The following HAPLN3 variants were observed in gnomAD, a reference collection of about 807,000 sequenced individuals.
HAPLN3 encodes the protein hyaluronan and proteoglycan link protein 3.
In HAPLN3, 28 loss-of-function variants were observed where a neutral mutation model predicts 28.1. The ratio of observed to expected loss-of-function variants is 1.00; its 90% confidence interval spans 0.74 to 1.37. The LOEUF (loss-of-function observed/expected upper bound fraction) is 1.37, where lower values mean the gene tolerates loss of function less well. Among genes scored for constraint, HAPLN3 ranks in the 40% most tolerant of loss-of-function variants. The pLI, the probability that HAPLN3 is intolerant of heterozygous loss-of-function variation, is 0.00. For synonymous variants in HAPLN3, 211 were observed against 213.1 expected, an observed-to-expected ratio of 0.99 and a Z score of 0.09; for missense variants, 513 against 504.6, an observed-to-expected ratio of 1.02 and a Z score of -0.16.
chr15:88,893,881 T>A (rs6496533), intron 1 of HAPLN3, among the ~76,000 whole-genome samples: 2 of 146,386 alleles, frequency 1.4e-5, no homozygotes, highest in African/African-American at 2.6e-5. Context: ...TGAGCCGAGA[T>A]TGAGCCATTG....
At chr15:88,883,023 A>G (rs1897749282) in intron 2 of HAPLN3, among the ~76,000 whole-genome samples, 1 of 152,224 alleles carries the variant, frequency 6.6e-6, no homozygotes, top group Non-Finnish European at 1.5e-5. Flanking sequence ...AAATAAAAAC[A>G]AATTAATTAA....
rs532267599 is a variant in HAPLN3, at chr15:88,886,350, T to TAAA, written c.124+822_124+824dup. Among the ~76,000 whole-genome samples the TAAA allele has an allele frequency of 9.4e-3, 1,199 of 127,846 alleles. 20 individuals are homozygous for TAAA. The highest frequency in any genetic ancestry group is 0.031 in the African/African-American group (1,070 of 34,864). 83.9% of individuals were successfully genotyped at this position (127,846 alleles called of 152,430 possible). On this transcript the variant is annotated intron_variant, in intron 2 of 4. Transcript: ENST00000359595. ...TGGACAACAAAGTGAGACTCCATCT[T>TAAA]AAAAAAAAAAAAAAAAAGGTATATT...
chr15:88,885,070 C>A (rs1249088030), intron 2 of HAPLN3, among the ~76,000 whole-genome samples: 2 of 152,190 alleles, frequency 1.3e-5, no homozygotes, highest in African/African-American at 4.8e-5. Context: ...TTACAGCTGA[C>A]CTAGGAGACT....
Position 88,881,845 on chromosome 15 carries a change from G to C in HAPLN3, c.125-120C>G, listed in dbSNP as rs1051998065. 4.2e-6 allele frequency: 4 copies of C among 955,932 alleles called. No homozygotes were observed. The South Asian group carries it at 6.6e-5, about 16-fold the overall frequency. 59.2% of individuals were successfully genotyped at this position (955,932 alleles called of 1,614,324 possible). ...CTCAGATTGCAAAAATGGCCACCAT[G>C]CTCCACCCCTCCCTGTATCCACATG... On this transcript the variant is annotated intron_variant, in intron 2 of 4. Transcript: ENST00000359595. This position sits in a 1 kb window ranked among gnomAD's most constrained non-coding sequence, Gnocchi z 6.0.
rs150728392 is a variant in HAPLN3, at chr15:88,880,576, C to T, written c.493+781G>A. On this transcript the variant is annotated intron_variant, in intron 3 of 4. Coordinates refer to ENST00000359595, the MANE Select transcript of HAPLN3 (RefSeq NM_178232.4). The surrounding 1 kb of genome is among the most constrained non-coding windows in gnomAD (Gnocchi z 6.0). ...CTCTATCCCCGAACTGCCTCCCTAACATGTGGGAGAGATGTGAGGACACAC... is the reference window on the plus strand; with the variant it reads ...CTCTATCCCCGAACTGCCTCCCTAATATGTGGGAGAGATGTGAGGACACAC... 613 of 1,288,846 alleles carry T rather than the reference C, an allele frequency of 4.8e-4. 2 individuals carry two copies. In the African/African-American group the frequency reaches 8.3e-3, roughly 18 times the overall value. The allele number at this position is 1,288,846 out of a possible 1,614,324, so 79.8% of individuals were successfully genotyped here. A position where few individuals can be genotyped will look rare whatever the true frequency, so the allele number is the denominator to read the frequency against.
Position 88,881,453 on chromosome 15 carries a change from T to C in HAPLN3, c.397A>G (p.Ile133Val). Reference sequence around the variant, plus strand: ...TAGTCCTCCAGCCGCAGATCCTGGATCTCCAGCGAGACGTCATGCTCTTTG... The same window carrying C: ...TAGTCCTCCAGCCGCAGATCCTGGACCTCCAGCGAGACGTCATGCTCTTTG... ...QDKEHDVSLE[I>V]QDLRLEDYGR... is the part of the protein sequence containing the mutation. The change falls in exon 3 of 5, where the codon ATC (isoleucine) becomes GTC (valine). Residue 133 changes from isoleucine (I) to valine (V), a missense_variant. Ile to Val is a conservative substitution (Grantham distance 29). Coordinates refer to ENST00000359595, the MANE Select transcript of HAPLN3 (RefSeq NM_178232.4). This position sits in a 1 kb window ranked among gnomAD's most constrained non-coding sequence, Gnocchi z 6.0. The C allele has an allele frequency of 6.2e-7, 1 of 1,614,008 alleles. No homozygotes were observed. Among genetic ancestry groups the C allele is most frequent in the South Asian group, 1.1e-5 (1 of 91,080 alleles).
intron 1 of HAPLN3, among the ~76,000 whole-genome samples, chr15:88,894,913 G>GA (rs1187194827): frequency 3.9e-5 from 6 of 152,306 alleles, no homozygotes; most frequent in African/African-American, 1.4e-4. Context: ...GCGAGGTCTG[G>GA]AACCCATAGG....
Position 88,879,064 on chromosome 15 carries a change from G to T in HAPLN3, c.699C>A (p.Cys233Ter). ...QYPIMLPRQP[C>*]GGPGLAPGVR... is the part of the protein sequence containing the mutation. ...CGCCAGGTGCCAGGCCCGGGCCACCGCAGGGCTGCCGGGGCAACATGATGG... is the reference window on the plus strand; with the variant it reads ...CGCCAGGTGCCAGGCCCGGGCCACCTCAGGGCTGCCGGGGCAACATGATGG... Residue 233 changes from cysteine to a stop codon, truncating the protein, a stop_gained, in exon 4 of 5, where the codon TGC becomes TGA. Transcript: ENST00000359595. LOFTEE classifies it high-confidence loss of function. The surrounding 1 kb of genome is among the most constrained non-coding windows in gnomAD (Gnocchi z 5.0). The T allele has an allele frequency of 1.9e-6, 3 of 1,606,410 alleles. No individual in the cohort carries two copies. The highest frequency in any genetic ancestry group is 2.5e-6 in the Non-Finnish European group (3 of 1,176,672).
At position 88,881,596 on chromosome 15, in the gene HAPLN3, C is replaced by T. The variant is rs764742514; in HGVS notation, c.254G>A (p.Arg85His). Residue 85 changes from arginine to histidine, a missense_variant, in exon 3 of 5, where the codon CGT becomes CAT. Physicochemically the swap from Arg to His is conservative, Grantham distance 29. Coordinates refer to ENST00000359595, the MANE Select transcript of HAPLN3 (RefSeq NM_178232.4). The surrounding 1 kb of genome is among the most constrained non-coding windows in gnomAD (Gnocchi z 6.0). ...EPALVSPRRV[R>H]VKWWKLSENG... is the part of the protein sequence containing the mutation. ...CTCCGACAGCTTCCACCATTTGACA[C>T]GCACACGCCGCGGGGAGACCAGGGC... The T allele has an allele frequency of 5.0e-6, 8 of 1,613,958 alleles. No individual in the cohort carries two copies. Among genetic ancestry groups the T allele is most frequent in the East Asian group, 2.2e-5 (1 of 44,892 alleles).
rs1897695710 is a variant in HAPLN3, at chr15:88,881,450, G to T, written c.400C>A (p.Gln134Lys). 1 of 1,613,948 alleles carries T rather than the reference G, an allele frequency of 6.2e-7. No individual in the cohort carries two copies. Among genetic ancestry groups the T allele is most frequent in the South Asian group, 1.1e-5 (1 of 91,092 alleles). The change falls in exon 3 of 5, where the codon CAG (glutamine) becomes AAG (lysine). Residue 134 changes from glutamine to lysine, a missense_variant. Gln to Lys is a moderately conservative substitution (Grantham distance 53). Coordinates refer to ENST00000359595, the MANE Select transcript of HAPLN3 (RefSeq NM_178232.4). The surrounding 1 kb of genome is among the most constrained non-coding windows in gnomAD (Gnocchi z 6.0). ...DKEHDVSLEI[Q>K]DLRLEDYGRY... ...CCATAGTCCTCCAGCCGCAGATCCT[G>T]GATCTCCAGCGAGACGTCATGCTCT...
At chr15:88,891,660 A>G (rs918150093) in intron 1 of HAPLN3, among the ~76,000 whole-genome samples, 1 of 152,202 alleles carries the variant, frequency 6.6e-6, no homozygotes, top group Admixed American at 6.5e-5. Context: ...CATTTTGCAG[A>G]TGGAAAAACC....
intron 2 of HAPLN3, among the ~76,000 whole-genome samples, chr15:88,886,869 C>T (rs1897871250): frequency 6.6e-6 from 1 of 152,184 alleles, no homozygotes; most frequent in Non-Finnish European, 1.5e-5. Flanking sequence ...TATTCGACCC[C>T]AGGTCCCCTT....
intron 4 of HAPLN3, 101 bp downstream of exon 4, chr15:88,878,863 CCAG>C: frequency 7.9e-7 from 1 of 1,261,416 alleles, no homozygotes; most frequent in Non-Finnish European, 1.1e-6. Context: ...GGTGGCAGTA[CCAG>C]CAGAGCCAGC....
At chr15:88,885,961 T>C (rs1007414061) in intron 2 of HAPLN3, among the ~76,000 whole-genome samples, 3 of 152,132 alleles carry the variant, frequency 2.0e-5, no homozygotes, top group African/African-American at 4.8e-5. Context: ...TGCTCATCTA[T>C]GAGAAGGGAT....
In HAPLN3 at chr15:88,878,005, G is replaced by A. The variant is rs1468178385; in HGVS notation, c.1048C>T (p.Arg350Cys). 6 of 1,613,340 alleles carry A rather than the reference G, an allele frequency of 3.7e-6. No homozygotes were observed. Among genetic ancestry groups the A allele is most frequent in the Middle Eastern group, 1.6e-4 (1 of 6,080 alleles). ...CGGTAGCAGTAAACACCGTACAAGCGGCTCTGCGGGTCGGGGAAGCCAAAG... is the reference window on the plus strand; with the variant it reads ...CGGTAGCAGTAAACACCGTACAAGCAGCTCTGCGGGTCGGGGAAGCCAAAG... Reference protein sequence around the residue: ...RSFGFPDPQSRLYGVYCYRQH With the variant: ...RSFGFPDPQSCLYGVYCYRQH Residue 350 changes from arginine (R) to cysteine (C), a missense_variant, in exon 5 of 5, where the codon CGC becomes TGC. Arg to Cys is a radical substitution (Grantham distance 180). Transcript: ENST00000359595.
chr15:88,890,546 G>C (rs1177385566), intron 1 of HAPLN3, among the ~76,000 whole-genome samples: 2 of 152,208 alleles, frequency 1.3e-5, no homozygotes, highest in East Asian at 1.9e-4. Flanking sequence ...TTCTCCTAAA[G>C]TAACAGAGGT....
At chr15:88,885,124 C>T (rs1245172809) in intron 2 of HAPLN3, among the ~76,000 whole-genome samples, 1 of 152,246 alleles carries the variant, frequency 6.6e-6, no homozygotes, top group Non-Finnish European at 1.5e-5. Flanking sequence ...ATCATCTACT[C>T]AAAGGCAGAG....
At chr15:88,894,110 G>C (rs1423956089) in intron 1 of HAPLN3, among the ~76,000 whole-genome samples, 1 of 152,186 alleles carries the variant, frequency 6.6e-6, no homozygotes, top group Non-Finnish European at 1.5e-5. Flanking sequence ...TTCACACAGT[G>C]AAGTCTTACA....
chr15:88,879,283 A>C lies in HAPLN3; in HGVS notation c.494-14T>G. On this transcript the variant is annotated splice_polypyrimidine_tract_variant and intron_variant, in intron 3 of 4. Transcript: ENST00000359595. This position sits in a 1 kb window ranked among gnomAD's most constrained non-coding sequence, Gnocchi z 5.0. ...GAAAGACCACACCTGCAGGGGAAGG[A>C]AAGAGGAGCTTAGGGGGTGGCCAGG... 1 of 1,605,400 alleles carries C rather than the reference A, an allele frequency of 6.2e-7. No homozygotes were observed. The highest frequency in any genetic ancestry group is 8.5e-7 in the Non-Finnish European group (1 of 1,176,544).
Sources: gnomAD v4.1 joint callset for allele counts (sites outside exome capture counted in the v4.1 genomes callset) on GRCh38, gnomAD v4.1.1 for gene constraint, Gnocchi (gnomAD v3.1) non-coding constraint, MANE v1.5 for transcripts, NCBI Gene and HGNC (gene_info 2026-07-23, HGNC 2026-07-21) for gene names.